Variants in GAL3ST3 observed in about 807,000 individuals in gnomAD.
The protein encoded by GAL3ST3 is galactose-3-O-sulfotransferase 3.
A neutral mutation model predicts 20.8 loss-of-function variants in GAL3ST3; 21 were observed. That is an observed-to-expected ratio of 1.01 (90% confidence interval 0.72 to 1.45). The LOEUF is 1.45. Ranked by LOEUF, GAL3ST3 falls within the 40% of genes most tolerant of loss-of-function variation. The probability of loss-of-function intolerance (pLI) is 0.00; values close to 1 mark genes in which losing one functional copy is unlikely to be tolerated. For synonymous variants in GAL3ST3, 355 were observed against 307.2 expected, an observed-to-expected ratio of 1.16 and a Z score of -1.63; for missense variants, 739 against 662.7, an observed-to-expected ratio of 1.12 and a Z score of -1.26.
Position 66,042,433 on chromosome 11 carries a change from G to A in GAL3ST3, c.*74C>T, listed in dbSNP as rs1856715011. ...AAAAGAAAGGGCTCTCATGGGGGCA[G>A]GACATGGAGGCAGCCCCTGGCTGGA... On this transcript the variant is annotated 3_prime_UTR_variant, in exon 3 of 3. Transcript: ENST00000312006. 4 of 1,200,188 alleles carry A rather than the reference G, an allele frequency of 3.3e-6. No individual in the cohort carries two copies. The highest frequency in any genetic ancestry group is 1.7e-5 in the South Asian group (1 of 59,944). 74.3% of individuals were successfully genotyped at this position (1,200,188 alleles called of 1,614,324 possible). A position where few individuals can be genotyped will look rare whatever the true frequency, so the allele number is the denominator to read the frequency against.
In GAL3ST3 at chr11:66,042,455, T is replaced by C; in HGVS notation, c.*52A>G. ...GCAGGACATGGAGGCAGCCCCTGGC[T>C]GGACTCCTGGGAGGGCAGGGCAGGA... On this transcript the variant is annotated 3_prime_UTR_variant, in exon 3 of 3. Transcript: ENST00000312006. 1 of 1,343,412 alleles carries C rather than the reference T, an allele frequency of 7.4e-7. No individual in the cohort carries two copies. The highest frequency in any genetic ancestry group is 9.7e-7 in the Non-Finnish European group (1 of 1,028,402). The allele number at this position is 1,343,412 out of a possible 1,614,324, so 83.2% of individuals were successfully genotyped here.
Position 66,040,879 on chromosome 11 carries a change from C to G in GAL3ST3, c.*1628G>C, listed in dbSNP as rs144781931. On this transcript the variant is annotated 3_prime_UTR_variant, in exon 3 of 3. Transcript: ENST00000312006. Reference sequence around the variant, plus strand: ...GGTAAAAAGTGGGGTGCCATACAAACAGTCCCTTTTCAAGCCCAGCGTGTC... The same window carrying G: ...GGTAAAAAGTGGGGTGCCATACAAAGAGTCCCTTTTCAAGCCCAGCGTGTC... Among the ~76,000 whole-genome samples the G allele has an allele frequency of 9.2e-5, 14 of 152,302 alleles. No homozygotes were observed. The East Asian group carries it at 2.7e-3, about 29-fold the overall frequency.
rs1209922086 is a variant in GAL3ST3, at chr11:66,041,045, A to C, written c.*1462T>G. ...ATTCTTTTGGGGGAAGGTGCTGGGAATCAGCCTAGCTTGTGGCATGTGACC... is the reference window on the plus strand; with the variant it reads ...ATTCTTTTGGGGGAAGGTGCTGGGACTCAGCCTAGCTTGTGGCATGTGACC... On this transcript the variant is annotated 3_prime_UTR_variant, in exon 3 of 3. Coordinates refer to ENST00000312006, the MANE Select transcript of GAL3ST3 (RefSeq NM_033036.3). 1.3e-5 allele frequency among the ~76,000 whole-genome samples: 2 copies of C among 152,208 alleles called. No homozygotes were observed. Among genetic ancestry groups the C allele is most frequent in the Non-Finnish European group, 2.9e-5 (2 of 68,038 alleles).
intron 2 of GAL3ST3, among the ~76,000 whole-genome samples, chr11:66,044,472 T>G (rs1309429181): frequency 6.6e-6 from 1 of 152,190 alleles, no homozygotes; most frequent in African/African-American, 2.4e-5. Flanking sequence ...ACGACTCACA[T>G]GGTCACTAAA....
In GAL3ST3 at chr11:66,042,952, G is replaced by T. The variant is rs571016971; in HGVS notation, c.851C>A (p.Ala284Glu). 2.9e-6 allele frequency: 4 copies of T among 1,370,878 alleles called. No homozygotes were observed. The highest frequency in any genetic ancestry group is 7.3e-5 in the East Asian group (2 of 27,570). The allele number at this position is 1,370,878 out of a possible 1,614,324, so 84.9% of individuals were successfully genotyped here. ...GGCGTTCCAGGTGCGCGCCGCCCGCGCCAGCGCCGCGGGGATGGCGGCCAG... is the reference window on the plus strand; with the variant it reads ...GGCGTTCCAGGTGCGCGCCGCCCGCTCCAGCGCCGCGGGGATGGCGGCCAG... ...SRLAAIPAAL[A>E]RAARTWNALD... The change falls in exon 3 of 3, where the codon GCG becomes GAG. Residue 284 changes from alanine to glutamate, a missense_variant. Physicochemically the swap from Ala to Glu is moderately radical, Grantham distance 107 (BLOSUM62 -1). Transcript: ENST00000312006.
chr11:66,041,644 A>G lies in GAL3ST3; in HGVS notation c.*863T>C, dbSNP rs1856705361. 6.6e-6 allele frequency among the ~76,000 whole-genome samples: 1 copy of G among 152,206 alleles called. No homozygotes were observed. The highest frequency in any genetic ancestry group is 1.9e-4 in the East Asian group (1 of 5,200). Reference sequence around the variant, plus strand: ...GCTCCTGTTCCAATGTTTCCCCATAAGCTCCATGAAAATAAGGCCCTATCT... The same window carrying G: ...GCTCCTGTTCCAATGTTTCCCCATAGGCTCCATGAAAATAAGGCCCTATCT... On this transcript the variant is annotated 3_prime_UTR_variant, in exon 3 of 3. Coordinates refer to ENST00000312006, the MANE Select transcript of GAL3ST3 (RefSeq NM_033036.3).
Position 66,042,808 on chromosome 11 carries a change from A to C in GAL3ST3, c.995T>G (p.Leu332Arg), listed in dbSNP as rs1253975420. Reference protein sequence around the residue: ...RELREARQRLLRRCFGDEPLL... With the variant: ...RELREARQRLRRRCFGDEPLL... ...TGGCTCGTCCCCGAAGCAGCGCCGC[A>C]GTAGGCGCTGGCGGGCCTCGCGCAG... The change falls in exon 3 of 3, where the codon CTG becomes CGG. Residue 332 changes from leucine to arginine, a missense_variant. Leu to Arg is a moderately radical substitution (Grantham distance 102, BLOSUM62 -2). Transcript: ENST00000312006. 19 of 1,438,484 alleles carry C rather than the reference A, an allele frequency of 1.3e-5. No individual in the cohort carries two copies. Among genetic ancestry groups the C allele is most frequent in the Non-Finnish European group, 1.7e-5 (19 of 1,107,290 alleles). 89.1% of individuals were successfully genotyped at this position (1,438,484 alleles called of 1,614,324 possible). A position where few individuals can be genotyped will look rare whatever the true frequency, so the allele number is the denominator to read the frequency against.
At chr11:66,048,955 C>T (rs1352359413) in intron 1 of GAL3ST3, 56 bp downstream of exon 1, 1 of 152,592 alleles carries the variant, frequency 6.6e-6, no homozygotes, top group Non-Finnish European at 1.5e-5. Flanking sequence ...CGGCCCCCAT[C>T]CCGGTCTGGT....
chr11:66,045,192 T>G, intron 2 of GAL3ST3, 99 bp downstream of exon 2: 2 of 1,117,618 alleles, frequency 1.8e-6, no homozygotes, highest in Non-Finnish European at 2.4e-6. Flanking sequence ...GGAAAGCACT[T>G]TCAGAATAGA....
intron 1 of GAL3ST3, among the ~76,000 whole-genome samples, chr11:66,046,005 C>G (rs374160355): frequency 2.0e-5 from 3 of 152,170 alleles, no homozygotes; most frequent in South Asian, 4.1e-4. Flanking sequence ...CTCCTTGGAT[C>G]GATATGGCTT....
At chr11:66,044,342 ATTTG>A (rs1237047542) in intron 2 of GAL3ST3, among the ~76,000 whole-genome samples, 2 of 152,204 alleles carry the variant, frequency 1.3e-5, no homozygotes, top group East Asian at 1.9e-4. Flanking sequence ...CTTTAAGATA[ATTTG>A]TTTATGTAGA....
rs747616825 is a variant in GAL3ST3 at position 66,043,157 on chromosome 11, T to A, written c.646A>T (p.Ser216Cys). 6.2e-7 allele frequency: 1 copy of A among 1,611,848 alleles called. No homozygotes were observed. Among genetic ancestry groups the A allele is most frequent in the East Asian group, 2.2e-5 (1 of 44,828 alleles). Residue 216 changes from serine to cysteine, a missense_variant, in exon 3 of 3, where the codon AGC (serine) becomes TGC (cysteine). Transcript: ENST00000312006. ...AYDLGGDNER[S>C]PRDDAAYLAG... ...AGGTAGGCGGCGTCGTCGCGCGGGC[T>A]GCGCTCATTGTCGCCGCCCAGGTCG...
chr11:66,041,539 A>T lies in GAL3ST3; in HGVS notation c.*968T>A, dbSNP rs1856704311. Among the ~76,000 whole-genome samples, 1 of 152,174 alleles carries T rather than the reference A, an allele frequency of 6.6e-6. No homozygotes were observed. The highest frequency in any genetic ancestry group is 2.4e-5 in the African/African-American group (1 of 41,438). The stretch of plus-strand genomic sequence containing the variant: ...CAAATTCTGAGTTAGGCAGCTCCTT[A>T]TCTGAAAATGATCCTCCTTCCACCC... On this transcript the variant is annotated 3_prime_UTR_variant, in exon 3 of 3. Coordinates refer to ENST00000312006, the MANE Select transcript of GAL3ST3 (RefSeq NM_033036.3).
intron 1 of GAL3ST3, among the ~76,000 whole-genome samples, chr11:66,047,948 C>A (rs1342407136): frequency 2.0e-5 from 3 of 152,204 alleles, no homozygotes; most frequent in African/African-American, 7.2e-5. Flanking sequence ...CTGTGGGAGG[C>A]CTGCCTTCCC....
Position 66,042,882 on chromosome 11 carries a change from G to T in GAL3ST3, c.921C>A (p.Arg307=). 1 of 1,179,816 alleles carries T rather than the reference G, an allele frequency of 8.5e-7. No individual in the cohort carries two copies. 73.1% of individuals were successfully genotyped at this position (1,179,816 alleles called of 1,614,324 possible). The change falls in exon 3 of 3, where the codon CGC becomes CGA. Residue 307 remains arginine (R), a synonymous_variant. Transcript: ENST00000312006. ...LYDHFNATFW[R]HVARAGRACV... ...ACGCGCGGCCCGCGCGCGCCACGTG[G>T]CGCCAGAAGGTGGCGTTGAAGTGGT...
rs1590698681 is a variant in GAL3ST3 at position 66,042,805 on chromosome 11, C to T, written c.998G>A (p.Arg333Gln). ...CAGTGGCTCGTCCCCGAAGCAGCGC[C>T]GCAGTAGGCGCTGGCGGGCCTCGCG... is the stretch of plus-strand genomic sequence containing the variant. The part of the protein sequence containing the change: ...ELREARQRLL[R>Q]RCFGDEPLLR... Residue 333 changes from arginine (R) to glutamine (Q), a missense_variant, in exon 3 of 3, where the codon CGG becomes CAG. Arg to Gln is a conservative substitution (Grantham distance 43). Coordinates refer to ENST00000312006, the MANE Select transcript of GAL3ST3 (RefSeq NM_033036.3). 1 of 1,439,904 alleles carries T rather than the reference C, an allele frequency of 6.9e-7. No individual in the cohort carries two copies. Among genetic ancestry groups the T allele is most frequent in the Non-Finnish European group, 9.0e-7 (1 of 1,107,858 alleles). The allele number at this position is 1,439,904 out of a possible 1,614,324, so 89.2% of individuals were successfully genotyped here.
Position 66,043,662 on chromosome 11 carries a change from G to T in GAL3ST3, c.141C>A (p.Phe47Leu), listed in dbSNP as rs745568224. Residue 47 changes from phenylalanine to leucine, a missense_variant, in exon 3 of 3, where the codon TTC (phenylalanine) becomes TTA (leucine). Coordinates refer to ENST00000312006, the MANE Select transcript of GAL3ST3 (RefSeq NM_033036.3). ...GAQLSWYPKL[F>L]PLSCPPLRNS... ...TCCGCAGAGGAGGGCAGCTCAAGGG[G>T]AACAGCTTGGGGTACCTGCCAGGCC... 1.2e-6 allele frequency: 2 copies of T among 1,605,238 alleles called. No individual in the cohort carries two copies. Among genetic ancestry groups the T allele is most frequent in the South Asian group, 2.2e-5 (2 of 90,580 alleles).
chr11:66,043,073 A>G lies in GAL3ST3; in HGVS notation c.730T>C (p.Phe244Leu). 6.2e-7 allele frequency: 1 copy of G among 1,611,764 alleles called. No homozygotes were observed. Among genetic ancestry groups the G allele is most frequent in the Non-Finnish European group, 8.5e-7 (1 of 1,179,340 alleles). ...CGCAGCAGCACTAGCGACTCGTCGA[A>G]GTACTCGGCGATCATGACGAGCGAG... is the stretch of plus-strand genomic sequence containing the variant. ...VFSLVMIAEYFDESLVLLRRL... is the reference protein window; with the variant it reads ...VFSLVMIAEYLDESLVLLRRL... Residue 244 changes from phenylalanine to leucine, a missense_variant, in exon 3 of 3, where the codon TTC becomes CTC. Phe to Leu is a conservative substitution (Grantham distance 22). Coordinates refer to ENST00000312006, the MANE Select transcript of GAL3ST3 (RefSeq NM_033036.3).
chr11:66,042,770 C>T lies in GAL3ST3; in HGVS notation c.1033G>A (p.Ala345Thr). 1 of 1,509,432 alleles carries T rather than the reference C, an allele frequency of 6.6e-7. No individual in the cohort carries two copies. The highest frequency in any genetic ancestry group is 8.8e-7 in the Non-Finnish European group (1 of 1,137,162). The allele number at this position is 1,509,432 out of a possible 1,614,324, so 93.5% of individuals were successfully genotyped here. A position where few individuals can be genotyped will look rare whatever the true frequency, so the allele number is the denominator to read the frequency against. The change falls in exon 3 of 3, where the codon GCC becomes ACC. Residue 345 changes from alanine (A) to threonine (T), a missense_variant. Coordinates refer to ENST00000312006, the MANE Select transcript of GAL3ST3 (RefSeq NM_033036.3). ...CFGDEPLLRP[A>T]AQIRTKQLQP... Reference sequence around the variant, plus strand: ...AGCTGCTTGGTGCGGATCTGCGCGGCAGGCCGCAGCAGTGGCTCGTCCCCG... The same window carrying T: ...AGCTGCTTGGTGCGGATCTGCGCGGTAGGCCGCAGCAGTGGCTCGTCCCCG...
Sources: allele counts gnomAD v4.1 joint callset (sites outside exome capture counted in the v4.1 genomes callset), GRCh38; gene constraint gnomAD v4.1.1; transcripts MANE v1.5; gene names NCBI Gene and HGNC (gene_info 2026-07-23, HGNC 2026-07-21).